GRIA4: variants seen among roughly 807,000 people sequenced by gnomAD.
GRIA4 encodes the protein glutamate ionotropic receptor AMPA type subunit 4.
A neutral mutation model predicts 104.0 loss-of-function variants in GRIA4; 34 were observed. The ratio of observed to expected loss-of-function variants is 0.33; its 90% confidence interval spans 0.25 to 0.44. GRIA4 has a LOEUF of 0.44. Among genes scored for constraint, GRIA4 ranks in the 20% least tolerant of loss-of-function variants. GRIA4 has a pLI of 1.00. For synonymous variants in GRIA4, 386 were observed against 381.9 expected (o/e 1.01, Z -0.13); for missense variants, 750 against 1,096.5 (o/e 0.68, Z 4.46).
intron 5 of GRIA4, among the ~76,000 whole-genome samples, chr11:105,880,912 T>C (rs1946028926): frequency 6.6e-6 from 1 of 152,166 alleles, no homozygotes; most frequent in Non-Finnish European, 1.5e-5. Context: ...AAAAGTATTT[T>C]TTTACATTAT....
chr11:105,678,076 A>G (rs1952597267), intron 3 of GRIA4, among the ~76,000 whole-genome samples: 1 of 152,090 alleles, frequency 6.6e-6, no homozygotes, highest in East Asian at 1.9e-4. Context: ...AGATAAAACA[A>G]TAATCAACCT....
intron 14 of GRIA4, among the ~76,000 whole-genome samples, chr11:105,969,629 T>A (rs1251107664): frequency 2.6e-5 from 4 of 152,150 alleles, no homozygotes; most frequent in Non-Finnish European, 2.9e-5. Context: ...ACTCTCGAAC[T>A]TTCCTCCAGT....
rs568839505 is a variant in GRIA4, at chr11:105,761,111, C to G, written c.487+7891C>G. Among the ~76,000 whole-genome samples the G allele has an allele frequency of 2.6e-5, 4 of 152,250 alleles. No homozygotes were observed. In the South Asian group the frequency reaches 8.3e-4, roughly 32 times the overall value. On this transcript the variant is annotated intron_variant, in intron 4 of 16. Transcript: ENST00000282499. Reference sequence around the variant, plus strand: ...GTCACAGATTTGTCAATTTCTTACTCTAATTCCATAATTTTTTACTTAATA... The same window carrying G: ...GTCACAGATTTGTCAATTTCTTACTGTAATTCCATAATTTTTTACTTAATA...
At chr11:105,688,325 G>A (rs978763902) in intron 3 of GRIA4, among the ~76,000 whole-genome samples, 42 of 152,198 alleles carry the variant, frequency 2.8e-4, no homozygotes, top group African/African-American at 8.7e-4. Flanking sequence ...TTGGGAGGCC[G>A]AGGCGGGTGG....
intron 4 of GRIA4, among the ~76,000 whole-genome samples, chr11:105,767,956 T>G (rs1031793159): frequency 4.6e-5 from 7 of 151,968 alleles, no homozygotes; most frequent in Non-Finnish European, 7.4e-5. Context: ...AATAGTAGAG[T>G]AAGCAGGTCC....
At chr11:105,725,944 G>A (rs1938176881) in intron 3 of GRIA4, among the ~76,000 whole-genome samples, 1 of 152,092 alleles carries the variant, frequency 6.6e-6, no homozygotes, top group Non-Finnish European at 1.5e-5. Context: ...TGGTCCCTGG[G>A]TTTCAAGCAC....
intron 3 of GRIA4, among the ~76,000 whole-genome samples, chr11:105,722,561 AG>A (rs1937896876): frequency 6.6e-6 from 1 of 152,094 alleles, no homozygotes; most frequent in Admixed American, 6.6e-5. Flanking sequence ...TGTTCCTTAA[AG>A]GTTGTACCAA....
chr11:105,731,583 T>A (rs1192076569), intron 3 of GRIA4, among the ~76,000 whole-genome samples: 7 of 152,154 alleles, frequency 4.6e-5, no homozygotes, highest in Admixed American at 4.6e-4. Context: ...ACACGTATGT[T>A]TATTGCAGCA....
chr11:105,892,007 C>A (rs943005602), intron 6 of GRIA4, among the ~76,000 whole-genome samples: 3 of 152,012 alleles, frequency 2.0e-5, no homozygotes, highest in African/African-American at 7.2e-5. Context: ...TTAATAGATA[C>A]AAAAATGAGG....
chr11:105,814,749 T>G (rs1467916315), intron 4 of GRIA4, among the ~76,000 whole-genome samples: 1 of 152,218 alleles, frequency 6.6e-6, no homozygotes, highest in Non-Finnish European at 1.5e-5. Context: ...AATAAATGCA[T>G]AGCAATTAGT....
At chr11:105,943,233 T>C (rs1366813962) in intron 14 of GRIA4, among the ~76,000 whole-genome samples, 1 of 152,126 alleles carries the variant, frequency 6.6e-6, no homozygotes, top group Non-Finnish European at 1.5e-5. Flanking sequence ...AGGAAAGCAC[T>C]CCTCTGTAAG....
chr11:105,954,285 C>T (rs1948529747), intron 14 of GRIA4, among the ~76,000 whole-genome samples: 1 of 152,080 alleles, frequency 6.6e-6, no homozygotes, highest in Admixed American at 6.6e-5. Context: ...AGAATAACCC[C>T]TAATTTATAT....
At chr11:105,754,423 T>G (rs2135699513) in intron 4 of GRIA4, among the ~76,000 whole-genome samples, 1 of 152,294 alleles carries the variant, frequency 6.6e-6, no homozygotes, top group East Asian at 1.9e-4. Context: ...TACAAAACTC[T>G]AAGTGAGTAA....
intron 4 of GRIA4, among the ~76,000 whole-genome samples, chr11:105,772,989 G>A (rs188549633): frequency 6.6e-6 from 1 of 152,172 alleles, no homozygotes; most frequent in East Asian, 1.9e-4. Flanking sequence ...TCTAAACACA[G>A]CAAAATGAAT....
chr11:105,948,646 G>C (rs1053161568), intron 14 of GRIA4, among the ~76,000 whole-genome samples: 1 of 140,466 alleles, frequency 7.1e-6, no homozygotes, highest in African/African-American at 2.7e-5. Context: ...TGCCAGGCAG[G>C]AGTGCAGTGA....
rs138230338 is a variant in GRIA4 at position 105,870,640 on chromosome 11, G to A, written c.672+8432G>A. Among the ~76,000 whole-genome samples the A allele has an allele frequency of 2.7e-3, 414 of 152,166 alleles. 3 individuals carry two copies. Among genetic ancestry groups the A allele is most frequent in the African/African-American group, 9.4e-3 (392 of 41,528 alleles). On this transcript the variant is annotated intron_variant, in intron 5 of 16. Coordinates refer to ENST00000282499, the MANE Select transcript of GRIA4 (RefSeq NM_000829.4). ...AAAGAGCATTCAAGGAAGATGGCAT[G>A]TGTGAGAACAGGGTAATAGGAGAGA...
intron 16 of GRIA4, among the ~76,000 whole-genome samples, chr11:105,976,941 T>G (rs2136295114): frequency 6.6e-6 from 1 of 152,152 alleles, no homozygotes; most frequent in South Asian, 2.1e-4. Context: ...CAAAGTTTTA[T>G]TAAGTAATAC....
At chr11:105,779,159 C>T (rs1941595746) in intron 4 of GRIA4, among the ~76,000 whole-genome samples, 1 of 151,678 alleles carries the variant, frequency 6.6e-6, no homozygotes, top group African/African-American at 2.4e-5. Context: ...TGTATATGTG[C>T]CAAATTTTCT....
At chr11:105,858,198 C>A (rs1197711402) in intron 4 of GRIA4, among the ~76,000 whole-genome samples, 1 of 152,008 alleles carries the variant, frequency 6.6e-6, no homozygotes, top group South Asian at 2.1e-4. Context: ...CTCTGCTATT[C>A]TAAAAAATTA....
Sources: allele counts gnomAD v4.1 joint callset (sites outside exome capture counted in the v4.1 genomes callset), GRCh38; gene constraint gnomAD v4.1.1; transcripts MANE v1.5; gene names NCBI Gene and HGNC (gene_info 2026-07-23, HGNC 2026-07-21).